PML: variants seen among roughly 807,000 people sequenced by gnomAD.
PML encodes PML nuclear body scaffold.
In PML, 28 loss-of-function variants were observed where a neutral mutation model predicts 65.2. The observed-to-expected ratio is 0.43, with a 90% CI of 0.32 to 0.59. The LOEUF (loss-of-function observed/expected upper bound fraction) is 0.59. PML is among the 20% of genes least tolerant of loss of function. PML has a pLI of 0.08. For synonymous variants in PML, 500 were observed against 508.8 expected (o/e 0.98, Z 0.23); for missense variants, 1,021 against 1,203.4 (o/e 0.85, Z 2.24).
Position 74,023,058 on chromosome 15 carries a change from T to C in PML, c.833T>C (p.Leu278Pro). ...CGCGCGCGTGCCGAGACCGAGGAGC[T>C]GATCCGCGAGCGCGTGCGCCAGGTG... is the stretch of plus-strand genomic sequence containing the variant. The part of the protein sequence containing the change: ...LGRARAETEE[L>P]IRERVRQVVA... The change falls in exon 3 of 9, where the codon CTG becomes CCG. Residue 278 changes from leucine to proline, a missense_variant. Transcript: ENST00000268058. 6.2e-7 allele frequency: 1 copy of C among 1,603,630 alleles called. No homozygotes were observed. Among genetic ancestry groups the C allele is most frequent in the Non-Finnish European group, 8.5e-7 (1 of 1,178,404 alleles).
At position 74,042,869 on chromosome 15, in the gene PML, G is replaced by A. The variant is rs559050976; in HGVS notation, c.1711-120G>A. ...TCTTGTGCACACGTCCCCTTTCCCA[G>A]TGGTACACCCTCCTTCATGTGCACG... On this transcript the variant is annotated intron_variant, in intron 7 of 8. Coordinates refer to ENST00000268058, the MANE Select transcript of PML (RefSeq NM_033238.3). The surrounding 1 kb of genome is among the most constrained non-coding windows in gnomAD (Gnocchi z 5.3). 3.1e-6 allele frequency: 5 copies of A among 1,587,604 alleles called. No homozygotes were observed. The South Asian group carries it at 5.7e-5, about 18-fold the overall frequency.
At chr15:74,011,290 A>G (rs1448500168) in intron 2 of PML, among the ~76,000 whole-genome samples, 7 of 152,198 alleles carry the variant, frequency 4.6e-5, no homozygotes, top group Non-Finnish European at 1.0e-4. Flanking sequence ...AGGGTGGCTC[A>G]GGCTAGGGGG....
At position 74,045,342 on chromosome 15, in the gene PML, C is replaced by G; in HGVS notation, c.*334C>G. 1 of 369,768 alleles carries G rather than the reference C, an allele frequency of 2.7e-6. No homozygotes were observed. Among genetic ancestry groups the G allele is most frequent in the Non-Finnish European group, 4.9e-6 (1 of 202,864 alleles). The allele number at this position is 369,768 out of a possible 1,614,324, so 22.9% of individuals were successfully genotyped here. On this transcript the variant is annotated 3_prime_UTR_variant, in exon 9 of 9. Coordinates refer to ENST00000268058, the MANE Select transcript of PML (RefSeq NM_033238.3). ...GGTCTTGCCCCATCCATCCCACCTG[C>G]CACTACCTTGGGTGTCCTTACAGCT...
At chr15:74,040,842 T>C (rs2071680601) in intron 7 of PML, among the ~76,000 whole-genome samples, 1 of 151,690 alleles carries the variant, frequency 6.6e-6, no homozygotes, top group East Asian at 1.9e-4. Flanking sequence ...ACAGTAGAGG[T>C]TTCTTAGAGA....
At chr15:73,999,541 G>C (rs2069662091) in intron 2 of PML, among the ~76,000 whole-genome samples, 1 of 152,154 alleles carries the variant, frequency 6.6e-6, no homozygotes, top group African/African-American at 2.4e-5. Flanking sequence ...TTATTGTAAA[G>C]GTTGAGTGGC....
intron 4 of PML, chr15:74,031,297 C>T (rs2141864136): frequency 2.3e-6 from 1 of 441,250 alleles, no homozygotes; most frequent in East Asian, 7.1e-5. Context: ...GTGTTTGAGA[C>T]AGAGTCTCAC....
chr15:74,022,317 A>T (rs2070876406), intron 2 of PML, among the ~76,000 whole-genome samples: 1 of 152,134 alleles, frequency 6.6e-6, no homozygotes, highest in African/African-American at 2.4e-5. Flanking sequence ...GTAGATATCT[A>T]GGTCAATCAT....
At position 74,015,211 on chromosome 15, in the gene PML, T is replaced by C. The variant is rs536582973; in HGVS notation, c.603-7617T>C. 3.9e-5 allele frequency among the ~76,000 whole-genome samples: 6 copies of C among 152,352 alleles called. No individual in the cohort carries two copies. In the East Asian group the frequency reaches 1.2e-3, roughly 29 times the overall value. On this transcript the variant is annotated intron_variant, in intron 2 of 8. Transcript: ENST00000268058. ...CCATAGGAATAATGCATTCACTCTC[T>C]TCAAATATCCCAGGCTCTAGAATTA...
intron 4 of PML, chr15:74,031,161 G>A: frequency 3.0e-6 from 1 of 336,032 alleles, no homozygotes; most frequent in South Asian, 2.5e-5. Flanking sequence ...CCCATCTCCT[G>A]GCAACCACCA....
chr15:74,030,952 A>G (rs2071294317), intron 4 of PML, among the ~76,000 whole-genome samples: 1 of 152,074 alleles, frequency 6.6e-6, no homozygotes, highest in African/African-American at 2.4e-5. Flanking sequence ...TCAAATGATT[A>G]AATTTTTTTC....
At chr15:73,999,352 C>A (rs1278061286) in intron 2 of PML, among the ~76,000 whole-genome samples, 1 of 152,204 alleles carries the variant, frequency 6.6e-6, no homozygotes, top group East Asian at 1.9e-4. Flanking sequence ...AAAATGAAAG[C>A]ATTTTTCGCT....
intron 2 of PML, 123 bp from the exon 3 acceptor site, chr15:74,022,705 A>G (rs2070893864): frequency 2.4e-6 from 2 of 823,902 alleles, no homozygotes; most frequent in Non-Finnish European, 4.0e-6. Context: ...TAGGAAAAGC[A>G]GAAACCTAGA....
chr15:73,995,877 C>G (rs545711379), intron 1 of PML, among the ~76,000 whole-genome samples: 1 of 152,158 alleles, frequency 6.6e-6, no homozygotes, highest in Non-Finnish European at 1.5e-5. Context: ...GCCTCAGCCT[C>G]CCGAGTAGCT....
chr15:74,004,549 C>T (rs568776207), intron 2 of PML, among the ~76,000 whole-genome samples: 29 of 152,216 alleles, frequency 1.9e-4, no homozygotes, highest in African/African-American at 6.7e-4. Context: ...GATCCTCCTG[C>T]CTTAGCCGCC....
Position 74,035,290 on chromosome 15 carries a change from C to A in PML, c.1710+760C>A, listed in dbSNP as rs2071497241. On this transcript the variant is annotated intron_variant, in intron 7 of 8. Transcript: ENST00000268058. This position sits in a 1 kb window ranked among gnomAD's most constrained non-coding sequence, Gnocchi z 4.1. ...TCTCTGCTGAGAGCACAAGGAGCCT[C>A]CAGCCTGCCCTGTGGCACATACCAC... The A allele has an allele frequency of 6.2e-7, 1 of 1,613,336 alleles. No individual in the cohort carries two copies. Among genetic ancestry groups the A allele is most frequent in the African/African-American group, 1.3e-5 (1 of 75,014 alleles).
rs774212743 is a variant in PML, at chr15:74,035,931, G to A, written c.1710+1401G>A. 1.1e-5 allele frequency: 17 copies of A among 1,613,776 alleles called. No individual in the cohort carries two copies. Among genetic ancestry groups the A allele is most frequent in the Admixed American group, 1.0e-4 (6 of 59,998 alleles). ...GCCCCCCATCAGCCCAGTCCCAGGC[G>A]CCCGTCAAGCAGGCCTCTGAGAGTG... is the stretch of plus-strand genomic sequence containing the variant. On this transcript the variant is annotated intron_variant, in intron 7 of 8. Coordinates refer to ENST00000268058, the MANE Select transcript of PML (RefSeq NM_033238.3). This position sits in a 1 kb window ranked among gnomAD's most constrained non-coding sequence, Gnocchi z 4.1.
chr15:74,034,359 G>T, intron 6 of PML, 119 bp from the exon 7 acceptor site: 1 of 1,315,344 alleles, frequency 7.6e-7, no homozygotes, highest in Admixed American at 1.7e-5. Context: ...CCGTCCCCCT[G>T]CAGGGCATCC....
chr15:74,008,303 A>G (rs1233691792), intron 2 of PML, among the ~76,000 whole-genome samples: 2 of 152,232 alleles, frequency 1.3e-5, no homozygotes, highest in Non-Finnish European at 2.9e-5. Flanking sequence ...GGAAGGAGTC[A>G]GGACTCTATG....
At position 74,035,058 on chromosome 15, in the gene PML, A is replaced by G. The variant is rs2071482921; in HGVS notation, c.1710+528A>G. ...TCTGTCCCTAGAGGTTTATTACTAGAGGCTGGACTATCACCTGTCCAGGGG... is the reference window on the plus strand; with the variant it reads ...TCTGTCCCTAGAGGTTTATTACTAGGGGCTGGACTATCACCTGTCCAGGGG... On this transcript the variant is annotated intron_variant, in intron 7 of 8. Transcript: ENST00000268058. The surrounding 1 kb of genome is among the most constrained non-coding windows in gnomAD (Gnocchi z 4.1). 3 of 1,361,278 alleles carry G rather than the reference A, an allele frequency of 2.2e-6. No homozygotes were observed. The Admixed American group carries it at 5.1e-5, about 23-fold the overall frequency. The allele number at this position is 1,361,278 out of a possible 1,614,324, so 84.3% of individuals were successfully genotyped here.
Sources: gnomAD v4.1 joint callset for allele counts (sites outside exome capture counted in the v4.1 genomes callset) on GRCh38, gnomAD v4.1.1 for gene constraint, Gnocchi (gnomAD v3.1) non-coding constraint, MANE v1.5 for transcripts, NCBI Gene and HGNC (gene_info 2026-07-23, HGNC 2026-07-21) for gene names.